The following ANK2 variants were observed in gnomAD, a reference collection of about 807,000 sequenced individuals.
ANK2 encodes ankyrin-2.
In ANK2, 83 loss-of-function variants were observed where a neutral mutation model predicts 360.5. That is an observed-to-expected ratio of 0.23 (90% confidence interval 0.19 to 0.28). ANK2 has a LOEUF of 0.28. Ranked by LOEUF, ANK2 falls within the 10% of genes least tolerant of loss-of-function variation. The pLI is 1.00. For missense variants in ANK2, 4,201 were observed against 4,795.7 expected (o/e 0.88, Z 3.66); for synonymous variants, 1,740 against 1,759.5 (o/e 0.99, Z 0.28).
chr4:113,293,169 T>C, intron 21 of ANK2: 1 of 574,366 alleles, frequency 1.7e-6, no homozygotes, highest in East Asian at 3.7e-5. Flanking sequence ...GTAGAAGATA[T>C]TTGACAACCT....
the ANK2 span, among the ~76,000 whole-genome samples, chr4:112,784,381 A>G: frequency 7.8e-6 from 1 of 128,938 alleles, no homozygotes; most frequent in African/African-American, 2.9e-5. Context: ...TTTTTCAGAC[A>G]GAGTCTAGCT....
chr4:112,712,164 C>A, the ANK2 span, among the ~76,000 whole-genome samples: 1 of 149,542 alleles, frequency 6.7e-6, no homozygotes, highest in African/African-American at 2.4e-5. Flanking sequence ...CTCACTGAAA[C>A]CTCTGCCTCT....
Position 113,355,749 on chromosome 4 carries a change from C to G in ANK2, c.7131C>G (p.Asp2377Glu). The G allele has an allele frequency of 1.9e-6, 3 of 1,614,060 alleles. No individual in the cohort carries two copies. In the South Asian group the frequency reaches 3.3e-5, roughly 18 times the overall value. Reference sequence around the variant, plus strand: ...TTCAAGAATCCACAGCCACCTCAGACGAGACAAAGGCCTTGCCGCTGCCTG... The same window carrying G: ...TTCAAGAATCCACAGCCACCTCAGAGGAGACAAAGGCCTTGCCGCTGCCTG... ...SEVQESTATS[D>E]ETKALPLPEA... is the part of the protein sequence containing the mutation. Residue 2377 changes from aspartate to glutamate, a missense_variant, in exon 38 of 46, where the codon GAC becomes GAG. Transcript: ENST00000357077.
At chr4:112,968,347 T>C (rs929132031) in intron 2 of ANK2, among the ~76,000 whole-genome samples, 1 of 152,194 alleles carries the variant, frequency 6.6e-6, no homozygotes, top group African/African-American at 2.4e-5. Context: ...TCCAACCAGC[T>C]GGACAGTGCC....
intron 1 of ANK2, among the ~76,000 whole-genome samples, chr4:112,857,523 C>T (rs1055461773): frequency 6.6e-6 from 1 of 152,076 alleles, no homozygotes; most frequent in Non-Finnish European, 1.5e-5. Flanking sequence ...TCTTGTATAT[C>T]ATGTTTAAAT....
chr4:112,767,046 T>C, the ANK2 span, among the ~76,000 whole-genome samples: 1 of 152,364 alleles, frequency 6.6e-6, no homozygotes, highest in South Asian at 2.1e-4. Flanking sequence ...GTATTGCTCA[T>C]ATATTTTGAA....
intron 1 of ANK2, among the ~76,000 whole-genome samples, chr4:113,097,239 TA>T (rs1185321461): frequency 6.6e-6 from 1 of 151,668 alleles, no homozygotes; most frequent in African/African-American, 2.4e-5. Context: ...TTCACTCCCC[TA>T]AATTATTCCC....
chr4:113,052,736 T>A (rs1265439649), intron 1 of ANK2, among the ~76,000 whole-genome samples: 2 of 152,298 alleles, frequency 1.3e-5, no homozygotes, highest in East Asian at 3.9e-4. Context: ...GATGGGTTTA[T>A]GACTCATTGC....
chr4:113,087,582 G>T (rs1244200774), intron 1 of ANK2, among the ~76,000 whole-genome samples: 1 of 152,008 alleles, frequency 6.6e-6, no homozygotes, highest in African/African-American at 2.4e-5. Context: ...ATTAAACAAA[G>T]ATGGCTTAAT....
In ANK2 at chr4:112,934,253, G is replaced by A. The variant is rs1009947659; in HGVS notation, c.21+29739G>A. Among the ~76,000 whole-genome samples, 8 of 152,270 alleles carry A rather than the reference G, an allele frequency of 5.3e-5. No individual in the cohort carries two copies. In the East Asian group the frequency reaches 9.6e-4, roughly 18 times the overall value. ...TGTCTTGTAAAATAAGGTGATTTCC[G>A]TAATTGAAGTTTTCCGAGGAAGCTA... On this transcript the variant is annotated intron_variant, in intron 2 of 30. Transcript: ENST00000503271.
At chr4:113,133,546 G>A (rs1261943472) in intron 1 of ANK2, among the ~76,000 whole-genome samples, 2 of 152,024 alleles carry the variant, frequency 1.3e-5, no homozygotes, top group East Asian at 3.9e-4. Flanking sequence ...GCTAAACCAT[G>A]CTATACTACC....
At chr4:113,285,983 G>T (rs1396445714) in intron 18 of ANK2, among the ~76,000 whole-genome samples, 1 of 152,202 alleles carries the variant, frequency 6.6e-6, no homozygotes, top group African/African-American at 2.4e-5. Context: ...ATTTGGATAT[G>T]CAAGTTTACC....
the ANK2 span, among the ~76,000 whole-genome samples, chr4:112,791,986 T>C: frequency 1.3e-5 from 2 of 152,018 alleles, no homozygotes; most frequent in Non-Finnish European, 2.9e-5. Context: ...GTAACTACTT[T>C]TACAGAACAT....
the ANK2 span, among the ~76,000 whole-genome samples, chr4:112,711,044 C>T: frequency 1.3e-5 from 2 of 151,292 alleles, no homozygotes; most frequent in East Asian, 1.9e-4. Context: ...TCTGCCTCAG[C>T]CTCCCAAAGT....
chr4:113,200,084 A>G (rs2098808438), intron 4 of ANK2, among the ~76,000 whole-genome samples: 1 of 152,190 alleles, frequency 6.6e-6, no homozygotes, highest in African/African-American at 2.4e-5. Context: ...GATAGATAAG[A>G]CATTATTTTT....
chr4:113,237,505 AC>A (rs1480802577), intron 6 of ANK2, 93 bp from the exon 7 acceptor site: 8 of 1,263,658 alleles, frequency 6.3e-6, no homozygotes, highest in Non-Finnish European at 9.3e-6. Flanking sequence ...CCATGTTGGA[AC>A]AGTATACCCA....
chr4:113,277,593 T>C (rs532980334), intron 15 of ANK2, among the ~76,000 whole-genome samples: 1 of 152,306 alleles, frequency 6.6e-6, no homozygotes, highest in East Asian at 1.9e-4. Context: ...ACCTATAAAG[T>C]CAGATTTCAG....
chr4:112,842,290 G>A (rs1281603817), intron 1 of ANK2, among the ~76,000 whole-genome samples: 6 of 152,332 alleles, frequency 3.9e-5, no homozygotes, highest in East Asian at 3.9e-4. Context: ...GATTACAGGC[G>A]TGAGCTACCA....
intron 1 of ANK2, among the ~76,000 whole-genome samples, chr4:112,889,318 C>T (rs78384670): frequency 0.028 from 4,149 of 150,408 alleles, 180 homozygotes; most frequent in African/African-American, 0.092. Context: ...CCTTTTTTCT[C>T]TTTGGGGTGA....
Sources: gnomAD v4.1 joint callset for allele counts (sites outside exome capture counted in the v4.1 genomes callset) on GRCh38, gnomAD v4.1.1 for gene constraint, MANE v1.5 for transcripts, NCBI Gene and HGNC (gene_info 2026-07-23, HGNC 2026-07-21) for gene names.